BRINP3: variants seen among roughly 807,000 people sequenced by gnomAD.
BRINP3 encodes BMP/retinoic acid-inducible neural-specific protein 3.
Under a neutral mutation model 71.0 loss-of-function variants are expected in BRINP3, and 19 were observed. That is an observed-to-expected ratio of 0.27 (90% CI 0.19 to 0.39). BRINP3 has a LOEUF of 0.39. Ranked by LOEUF, BRINP3 falls within the 10% of genes least tolerant of loss-of-function variation. The pLI, the probability that BRINP3 is intolerant of heterozygous loss-of-function variation, is 1.00. For missense variants in BRINP3, 959 were observed against 940.8 expected, an observed-to-expected ratio of 1.02 and a Z score of -0.25; for synonymous variants, 380 against 337.7, an observed-to-expected ratio of 1.13 and a Z score of -1.37.
chr1:190,098,524 T>C lies in BRINP3; in HGVS notation c.1795A>G (p.Thr599Ala), dbSNP rs1350000823. The change falls in exon 8 of 8, where the codon ACT becomes GCT. Residue 599 changes from threonine to alanine, a missense_variant. Coordinates refer to ENST00000367462, the MANE Select transcript of BRINP3 (RefSeq NM_199051.3). ...CACTGCAGGGGTAGGTCCAACTTAG[T>C]CCGCTCCCAGTCTGGAAAGCTGTTT... is the stretch of plus-strand genomic sequence containing the variant. ...NENSFPDWERTKLDLPLQCYN... is the reference protein window; with the variant it reads ...NENSFPDWERAKLDLPLQCYN... The C allele has an allele frequency of 7.4e-6, 12 of 1,614,124 alleles. No homozygotes were observed. Among genetic ancestry groups the C allele is most frequent in the Non-Finnish European group, 1.0e-5 (12 of 1,180,016 alleles).
At chr1:190,468,373 T>C (rs1473121802) in intron 1 of BRINP3, among the ~76,000 whole-genome samples, 1 of 151,342 alleles carries the variant, frequency 6.6e-6, no homozygotes, top group Non-Finnish European at 1.5e-5. Flanking sequence ...AATGATAGGT[T>C]TAAAAAGCCT....
At chr1:190,465,103 C>T (rs988342194) in intron 1 of BRINP3, among the ~76,000 whole-genome samples, 1 of 151,852 alleles carries the variant, frequency 6.6e-6, no homozygotes, top group African/African-American at 2.4e-5. Flanking sequence ...GGAAATTATT[C>T]TTAAGAGCCC....
chr1:190,234,569 T>C, intron 4 of BRINP3, 92 bp from the exon 5 acceptor site: 1 of 889,608 alleles, frequency 1.1e-6, no homozygotes, highest in Non-Finnish European at 1.8e-6. Flanking sequence ...TATTATACGT[T>C]TGACAGTAAA....
At chr1:190,263,408 A>G (rs1229866795) in intron 4 of BRINP3, among the ~76,000 whole-genome samples, 2 of 152,092 alleles carry the variant, frequency 1.3e-5, no homozygotes, top group African/African-American at 2.4e-5. Context: ...CTGTTTCCCA[A>G]CATCATCTAC....
At position 190,446,746 on chromosome 1, in the gene BRINP3, G is replaced by T. The variant is rs115140985; in HGVS notation, c.236+7909C>A. Among the ~76,000 whole-genome samples the T allele has an allele frequency of 6.3e-3, 953 of 152,158 alleles. 11 individuals carry two copies. The highest frequency in any genetic ancestry group is 0.022 in the African/African-American group (898 of 41,550). ...TACAAATGAGGAGACTGAGGTCTGA[G>T]AAATTAAGTTACAAAACTGAGTGAA... On this transcript the variant is annotated intron_variant, in intron 2 of 7. Coordinates refer to ENST00000367462, the MANE Select transcript of BRINP3 (RefSeq NM_199051.3).
intron 2 of BRINP3, among the ~76,000 whole-genome samples, chr1:190,286,198 C>G (rs1402268715): frequency 6.6e-6 from 1 of 152,114 alleles, no homozygotes; most frequent in African/African-American, 2.4e-5. Flanking sequence ...GCTAAAAACT[C>G]TGATGTGCAA....
intron 2 of BRINP3, among the ~76,000 whole-genome samples, chr1:190,291,322 A>G (rs759711837): frequency 3.9e-4 from 59 of 152,094 alleles, no homozygotes; most frequent in Non-Finnish European, 8.1e-4. Context: ...CAACAAATGC[A>G]TATATAGATG....
intron 3 of BRINP3, among the ~76,000 whole-genome samples, chr1:190,271,976 A>G (rs941628922): frequency 7.3e-5 from 11 of 151,566 alleles, no homozygotes; most frequent in African/African-American, 2.7e-4. Flanking sequence ...TCCTTATTGT[A>G]AGGACATGGA....
In BRINP3 at chr1:190,312,377, A is replaced by G. The variant is rs1258533320; in HGVS notation, c.237-30627T>C. The stretch of plus-strand genomic sequence containing the variant: ...AAAGTCAAAATACAGCATTTCTAAC[A>G]ATATATTTATGATCTCAGTGATATT... On this transcript the variant is annotated intron_variant, in intron 2 of 7. Transcript: ENST00000367462. 3.3e-5 allele frequency among the ~76,000 whole-genome samples: 5 copies of G among 151,504 alleles called. No homozygotes were observed. In the Admixed American group the frequency reaches 3.3e-4, roughly 10 times the overall value.
intron 2 of BRINP3, among the ~76,000 whole-genome samples, chr1:190,419,435 T>C (rs1393140494): frequency 2.0e-5 from 3 of 152,038 alleles, no homozygotes; most frequent in Non-Finnish European, 4.4e-5. Context: ...TAGTAATTTA[T>C]AATTGAGTTT....
rs75414517 is a variant in BRINP3 at position 190,383,200 on chromosome 1, T to A, written c.236+71455A>T. Among the ~76,000 whole-genome samples the A allele has an allele frequency of 7.4e-3, 1,132 of 152,262 alleles. 12 individuals are homozygous for A. The highest frequency in any genetic ancestry group is 0.026 in the African/African-American group (1,063 of 41,550). On this transcript the variant is annotated intron_variant, in intron 2 of 7. Coordinates refer to ENST00000367462, the MANE Select transcript of BRINP3 (RefSeq NM_199051.3). ...TAATGCCTCTTGTTTTTAAATTTTTTATTGAGCCATTAGATTCAGAAGAAC... is the reference window on the plus strand; with the variant it reads ...TAATGCCTCTTGTTTTTAAATTTTTAATTGAGCCATTAGATTCAGAAGAAC...
chr1:190,354,896 A>G (rs558083098), intron 2 of BRINP3, among the ~76,000 whole-genome samples: 4 of 151,254 alleles, frequency 2.6e-5, no homozygotes, highest in East Asian at 2.0e-4. Flanking sequence ...AATTTTTCCC[A>G]TTTCATTTTA....
intron 1 of BRINP3, among the ~76,000 whole-genome samples, chr1:190,463,837 T>C (rs889480202): frequency 2.0e-5 from 3 of 152,044 alleles, no homozygotes; most frequent in Admixed American, 6.6e-5. Context: ...TAATGAATTT[T>C]TAGATAGCCA....
At chr1:190,369,505 A>G (rs1669721341) in intron 2 of BRINP3, among the ~76,000 whole-genome samples, 1 of 152,144 alleles carries the variant, frequency 6.6e-6, no homozygotes, top group Non-Finnish European at 1.5e-5. Flanking sequence ...TCATAAATCA[A>G]TATGTGAAAA....
chr1:190,344,396 A>G (rs549617468), intron 2 of BRINP3, among the ~76,000 whole-genome samples: 1 of 152,012 alleles, frequency 6.6e-6, no homozygotes, highest in Admixed American at 6.6e-5. Flanking sequence ...TTGACGCTAC[A>G]GAGCTGTACT....
In BRINP3 at chr1:190,444,216, G is replaced by T. The variant is rs1476560309; in HGVS notation, c.236+10439C>A. Among the ~76,000 whole-genome samples the T allele has an allele frequency of 4.2e-5, 4 of 95,708 alleles. No individual in the cohort carries two copies. In the Admixed American group the frequency reaches 4.7e-4, roughly 11 times the overall value. 62.8% of individuals were successfully genotyped at this position (95,708 alleles called of 152,430 possible). ...ATTGTGCCATTGCACTCCTGCCGGGGCAACAAGAGCAAAACTCCGTCTCAA... is the reference window on the plus strand; with the variant it reads ...ATTGTGCCATTGCACTCCTGCCGGGTCAACAAGAGCAAAACTCCGTCTCAA... On this transcript the variant is annotated intron_variant, in intron 2 of 7. Coordinates refer to ENST00000367462, the MANE Select transcript of BRINP3 (RefSeq NM_199051.3).
intron 1 of BRINP3, among the ~76,000 whole-genome samples, chr1:190,462,356 T>G (rs1271780091): frequency 6.6e-6 from 1 of 152,166 alleles, no homozygotes; most frequent in Non-Finnish European, 1.5e-5. Context: ...TTATGTTCTA[T>G]AATTCAATTT....
intron 2 of BRINP3, among the ~76,000 whole-genome samples, chr1:190,339,680 G>A (rs950717823): frequency 1.3e-5 from 2 of 151,634 alleles, no homozygotes; most frequent in East Asian, 1.9e-4. Context: ...ACCGCCTCCC[G>A]TACTATTTAA....
intron 4 of BRINP3, among the ~76,000 whole-genome samples, chr1:190,242,599 T>G (rs1168175146): frequency 1.3e-5 from 2 of 152,128 alleles, no homozygotes; most frequent in Admixed American, 6.6e-5. Context: ...CCTCATAATT[T>G]TAATAAACCA....
Sources: gnomAD v4.1 joint callset for allele counts (sites outside exome capture counted in the v4.1 genomes callset) on GRCh38, gnomAD v4.1.1 for gene constraint, MANE v1.5 for transcripts, NCBI Gene and HGNC (gene_info 2026-07-23, HGNC 2026-07-21) for gene names.